EVX2: variants seen among roughly 807,000 people sequenced by gnomAD.
The protein encoded by EVX2 is homeobox even-skipped homolog protein 2.
A neutral mutation model predicts 19.2 loss-of-function variants in EVX2; 10 were observed. The observed-to-expected ratio is 0.52, with a 90% CI of 0.32 to 0.89. EVX2 has a LOEUF of 0.89. EVX2 is among the 40% of genes least tolerant of loss of function. EVX2 has a pLI of 0.03. For missense variants in EVX2, 710 were observed against 694.9 expected (o/e 1.02, Z -0.24); for synonymous variants, 354 against 328.4 (o/e 1.08, Z -0.84).
chr2:176,082,302 C>T lies in EVX2; in HGVS notation c.575G>A (p.Arg192His). 12 of 1,599,380 alleles carry T rather than the reference C, an allele frequency of 7.5e-6. No homozygotes were observed. The highest frequency in any genetic ancestry group is 1.0e-5 in the Non-Finnish European group (12 of 1,177,828). Residue 192 changes from arginine to histidine, a missense_variant, in exon 2 of 3, where the codon CGT (arginine) becomes CAT (histidine). Physicochemically the swap from Arg to His is conservative, Grantham distance 29. Coordinates refer to ENST00000308618, the MANE Select transcript of EVX2 (RefSeq NM_001080458.2). The surrounding 1 kb of genome is among the most constrained non-coding windows in gnomAD (Gnocchi z 5.2). ...GSGADQVRRY[R>H]TAFTREQIAR... ...GATCTGCTCGCGGGTGAACGCCGTA[C>T]GGTAGCGCCGCACTTGATCCGCGCC...
At position 176,082,344 on chromosome 2, in the gene EVX2, A is replaced by G. The variant is rs999032267; in HGVS notation, c.533T>C (p.Leu178Pro). The G allele has an allele frequency of 6.9e-6, 11 of 1,597,224 alleles. No homozygotes were observed. Among genetic ancestry groups the G allele is most frequent in the Non-Finnish European group, 7.7e-6 (9 of 1,176,448 alleles). ...GSGGSGGSAA[L>P]GGSGSGADQV... is the part of the protein sequence containing the mutation. Reference sequence around the variant, plus strand: ...ATCCGCGCCAGAGCCGGAGCCACCCAGCGCCGCGCTCCCGCCGCTGCCTCC... The same window carrying G: ...ATCCGCGCCAGAGCCGGAGCCACCCGGCGCCGCGCTCCCGCCGCTGCCTCC... Residue 178 changes from leucine (L) to proline (P), a missense_variant, in exon 2 of 3, where the codon CTG (leucine) becomes CCG (proline). Physicochemically the swap from Leu to Pro is moderately conservative, Grantham distance 98. Coordinates refer to ENST00000308618, the MANE Select transcript of EVX2 (RefSeq NM_001080458.2). The surrounding 1 kb of genome is among the most constrained non-coding windows in gnomAD (Gnocchi z 5.2).
rs1323889894 is a variant in EVX2 at position 176,082,063 on chromosome 2, G to T, written c.699+115C>A. 1.4e-5 allele frequency: 16 copies of T among 1,174,336 alleles called. No homozygotes were observed. The highest frequency in any genetic ancestry group is 1.7e-5 in the Non-Finnish European group (15 of 872,228). 72.7% of individuals were successfully genotyped at this position (1,174,336 alleles called of 1,614,324 possible). The stretch of plus-strand genomic sequence containing the variant: ...AATTCCTTTGGTGACTACCCCCCGC[G>T]GATTTCCAGACCCTTAGCTAAATCT... On this transcript the variant is annotated intron_variant, in intron 2 of 2. Coordinates refer to ENST00000308618, the MANE Select transcript of EVX2 (RefSeq NM_001080458.2). The surrounding 1 kb of genome is among the most constrained non-coding windows in gnomAD (Gnocchi z 5.2).
At position 176,080,428 on chromosome 2, in the gene EVX2, G is replaced by T; in HGVS notation, c.1110C>A (p.Ala370=). 1 of 1,106,476 alleles carries T rather than the reference G, an allele frequency of 9.0e-7. No homozygotes were observed. The highest frequency in any genetic ancestry group is 1.1e-6 in the Non-Finnish European group (1 of 909,434). The allele number at this position is 1,106,476 out of a possible 1,614,324, so 68.5% of individuals were successfully genotyped here. The change falls in exon 3 of 3, where the codon GCC becomes GCA. Residue 370 remains alanine (A), a synonymous_variant. Coordinates refer to ENST00000308618, the MANE Select transcript of EVX2 (RefSeq NM_001080458.2). The surrounding 1 kb of genome is among the most constrained non-coding windows in gnomAD (Gnocchi z 7.0). ...GCGCGCCGGCCGCCGCCGCCGAGGA[G>T]GCCGCAGCCGCTGCGGCTGCCGCGG... is the stretch of plus-strand genomic sequence containing the variant. ...AAAAAAAAAA[A]SSAAAAGAPP... is the part of the protein sequence containing the mutation.
In EVX2 at chr2:176,080,082, C is replaced by A. The variant is rs763176510; in HGVS notation, c.*25G>T. 1 of 1,484,970 alleles carries A rather than the reference C, an allele frequency of 6.7e-7. No individual in the cohort carries two copies. Among genetic ancestry groups the A allele is most frequent in the African/African-American group, 1.4e-5 (1 of 69,680 alleles). The allele number at this position is 1,484,970 out of a possible 1,614,324, so 92.0% of individuals were successfully genotyped here. A position where few individuals can be genotyped will look rare whatever the true frequency, so the allele number is the denominator to read the frequency against. Reference sequence around the variant, plus strand: ...CCGGGCACACTCAGAGAGGCGGGCGCGGCCCCCTGGCGGTGGCGACGTAGT... The same window carrying A: ...CCGGGCACACTCAGAGAGGCGGGCGAGGCCCCCTGGCGGTGGCGACGTAGT... On this transcript the variant is annotated 3_prime_UTR_variant, in exon 3 of 3. Transcript: ENST00000308618. This position sits in a 1 kb window ranked among gnomAD's most constrained non-coding sequence, Gnocchi z 7.0.
In EVX2 at chr2:176,083,962, T is replaced by C. The variant is rs1227193724; in HGVS notation, c.-186A>G. The C allele has an allele frequency of 1.7e-6, 1 of 592,838 alleles. No individual in the cohort carries two copies. Among genetic ancestry groups the C allele is most frequent in the Admixed American group, 3.0e-5 (1 of 33,102 alleles). The allele number at this position is 592,838 out of a possible 1,614,324, so 36.7% of individuals were successfully genotyped here. A position where few individuals can be genotyped will look rare whatever the true frequency, so the allele number is the denominator to read the frequency against. On this transcript the variant is annotated 5_prime_UTR_variant, in exon 1 of 3. Transcript: ENST00000308618. The surrounding 1 kb of genome is among the most constrained non-coding windows in gnomAD (Gnocchi z 4.4). ...ACTGGTCAAAATGACCCATACATCC[T>C]TCCGATCCCGAGATGTCATTCATCA...
chr2:176,080,725 G>T lies in EVX2; in HGVS notation c.813C>A (p.Thr271=). The T allele has an allele frequency of 1.2e-6, 2 of 1,607,750 alleles. No individual in the cohort carries two copies. The highest frequency in any genetic ancestry group is 1.7e-6 in the Non-Finnish European group (2 of 1,179,608). The part of the protein sequence containing the change: ...YTYMMTHAAA[T]GSLPYPFHSH... ...AGTGGAAGGGGTAGGGCAGGCTTCC[G>T]GTGGCGGCCGCGTGCGTCATCATGT... The change falls in exon 3 of 3, where the codon ACC becomes ACA. Residue 271 remains threonine, a synonymous_variant. Coordinates refer to ENST00000308618, the MANE Select transcript of EVX2 (RefSeq NM_001080458.2). The surrounding 1 kb of genome is among the most constrained non-coding windows in gnomAD (Gnocchi z 7.0).
rs1254055476 is a variant in EVX2 at position 176,078,041 on chromosome 2, ACT to A, written c.*2064_*2065del. ...TAATAGACCCCAGGAATTTCGAAATACTGTTTCCCCTTTATGTATTTTCCATT... is the reference window on the plus strand; with the variant it reads ...TAATAGACCCCAGGAATTTCGAAATAGTTTCCCCTTTATGTATTTTCCATT... On this transcript the variant is annotated 3_prime_UTR_variant, in exon 3 of 3. Coordinates refer to ENST00000308618, the MANE Select transcript of EVX2 (RefSeq NM_001080458.2). 1 of 152,190 alleles carries A rather than the reference ACT, an allele frequency of 6.6e-6. No homozygotes were observed. The highest frequency in any genetic ancestry group is 1.5e-5 in the Non-Finnish European group (1 of 68,006). 9.4% of individuals were successfully genotyped at this position (152,190 alleles called of 1,614,324 possible). A position where few individuals can be genotyped will look rare whatever the true frequency, so the allele number is the denominator to read the frequency against.
At position 176,083,669 on chromosome 2, in the gene EVX2, C is replaced by T. The variant is rs756017605; in HGVS notation, c.108G>A (p.Val36=). 6.2e-7 allele frequency: 1 copy of T among 1,614,166 alleles called. No homozygotes were observed. Among genetic ancestry groups the T allele is most frequent in the Non-Finnish European group, 8.5e-7 (1 of 1,180,044 alleles). ...GCTGCGAATTTTCCAGGGCCTCGAG[C>T]ACAGCATTGCCAGCCGAGTTGGACA... ...SNLSNSAGNA[V]LEALENSQHP... The change falls in exon 1 of 3, where the codon GTG becomes GTA. Residue 36 remains valine, a synonymous_variant. Coordinates refer to ENST00000308618, the MANE Select transcript of EVX2 (RefSeq NM_001080458.2). This position sits in a 1 kb window ranked among gnomAD's most constrained non-coding sequence, Gnocchi z 4.4.
chr2:176,083,248 T>C lies in EVX2; in HGVS notation c.427+102A>G. On this transcript the variant is annotated intron_variant, in intron 1 of 2. Transcript: ENST00000308618. The surrounding 1 kb of genome is among the most constrained non-coding windows in gnomAD (Gnocchi z 4.4). The stretch of plus-strand genomic sequence containing the variant: ...GTGCTAGCTCGGTGTAGCTTGCCTG[T>C]GGAGGGTCTGAGAGGGGAAAAGGCA... 1.6e-6 allele frequency: 2 copies of C among 1,232,988 alleles called. No homozygotes were observed. Among genetic ancestry groups the C allele is most frequent in the South Asian group, 1.5e-5 (1 of 66,488 alleles). 76.4% of individuals were successfully genotyped at this position (1,232,988 alleles called of 1,614,324 possible).
In EVX2 at chr2:176,080,259, C is replaced by G. The variant is rs1232222618; in HGVS notation, c.1279G>C (p.Gly427Arg). 1.5e-6 allele frequency: 2 copies of G among 1,292,446 alleles called. No homozygotes were observed. Among genetic ancestry groups the G allele is most frequent in the Non-Finnish European group, 2.0e-6 (2 of 1,020,172 alleles). 80.1% of individuals were successfully genotyped at this position (1,292,446 alleles called of 1,614,324 possible). Residue 427 changes from glycine to arginine, a missense_variant, in exon 3 of 3, where the codon GGG becomes CGG. By Grantham distance (125) the Gly-to-Arg change is moderately radical. Transcript: ENST00000308618. This position sits in a 1 kb window ranked among gnomAD's most constrained non-coding sequence, Gnocchi z 7.0. The part of the protein sequence containing the change: ...GGGGGGGGGG[G>R]GAGAGGGSDF... Reference sequence around the variant, plus strand: ...GAGCCTCCCCCGGCCCCGGCGCCCCCGCCGCCGCCGCCACCACCACCACCG... The same window carrying G: ...GAGCCTCCCCCGGCCCCGGCGCCCCGGCCGCCGCCGCCACCACCACCACCG...
rs1689145199 is a variant in EVX2 at position 176,081,380 on chromosome 2, G to C, written c.700-542C>G. 6.6e-6 allele frequency among the ~76,000 whole-genome samples: 1 copy of C among 152,134 alleles called. No individual in the cohort carries two copies. Among genetic ancestry groups the C allele is most frequent in the Non-Finnish European group, 1.5e-5 (1 of 68,022 alleles). On this transcript the variant is annotated intron_variant, in intron 2 of 2. Coordinates refer to ENST00000308618, the MANE Select transcript of EVX2 (RefSeq NM_001080458.2). This position sits in a 1 kb window ranked among gnomAD's most constrained non-coding sequence, Gnocchi z 5.9. ...CGTTTGCCTTAAATGAGTGGGTAGAGCAATGTCTCCATAAACGGGGAAGGG... is the reference window on the plus strand; with the variant it reads ...CGTTTGCCTTAAATGAGTGGGTAGACCAATGTCTCCATAAACGGGGAAGGG...
rs886375484 is a variant in EVX2, at chr2:176,082,064, G to A, written c.699+114C>T. ...ATTCCTTTGGTGACTACCCCCCGCG[G>A]ATTTCCAGACCCTTAGCTAAATCTA... On this transcript the variant is annotated intron_variant, in intron 2 of 2. Coordinates refer to ENST00000308618, the MANE Select transcript of EVX2 (RefSeq NM_001080458.2). This position sits in a 1 kb window ranked among gnomAD's most constrained non-coding sequence, Gnocchi z 5.2. The A allele has an allele frequency of 2.5e-6, 3 of 1,212,182 alleles. No individual in the cohort carries two copies. In the Admixed American group the frequency reaches 9.3e-5, roughly 37 times the overall value. The allele number at this position is 1,212,182 out of a possible 1,614,324, so 75.1% of individuals were successfully genotyped here. A position where few individuals can be genotyped will look rare whatever the true frequency, so the allele number is the denominator to read the frequency against.
In EVX2 at chr2:176,083,312, G is replaced by C; in HGVS notation, c.427+38C>G. The C allele has an allele frequency of 6.5e-7, 1 of 1,538,940 alleles. No individual in the cohort carries two copies. The highest frequency in any genetic ancestry group is 1.2e-5 in the South Asian group (1 of 83,294). ...GCGGGGGCCGCGGAGGAGCAAAGAG[G>C]ATGGGACTGGAGAGCGCGGTGCGGC... On this transcript the variant is annotated intron_variant, in intron 1 of 2. Transcript: ENST00000308618. This position sits in a 1 kb window ranked among gnomAD's most constrained non-coding sequence, Gnocchi z 4.4.
Position 176,083,860 on chromosome 2 carries a change from C to A in EVX2, c.-84G>T. ...GCCTAGGGCTAATTCTCATTCAGCC[C>A]CAGCGAACGCCTCTAAATATTATTA... On this transcript the variant is annotated 5_prime_UTR_variant, in exon 1 of 3. Transcript: ENST00000308618. The surrounding 1 kb of genome is among the most constrained non-coding windows in gnomAD (Gnocchi z 4.4). 8.5e-7 allele frequency: 1 copy of A among 1,182,016 alleles called. No homozygotes were observed. Among genetic ancestry groups the A allele is most frequent in the Non-Finnish European group, 1.2e-6 (1 of 835,852 alleles). 73.2% of individuals were successfully genotyped at this position (1,182,016 alleles called of 1,614,324 possible). A position where few individuals can be genotyped will look rare whatever the true frequency, so the allele number is the denominator to read the frequency against.
At position 176,080,194 on chromosome 2, in the gene EVX2, G is replaced by A. The variant is rs1269465640; in HGVS notation, c.1344C>T (p.Ser448=). The change falls in exon 3 of 3, where the codon AGC becomes AGT. Residue 448 remains serine, a synonymous_variant. Coordinates refer to ENST00000308618, the MANE Select transcript of EVX2 (RefSeq NM_001080458.2). This position sits in a 1 kb window ranked among gnomAD's most constrained non-coding sequence, Gnocchi z 7.0. ...CCGCGGCCGAGTAGGGCAGGAAGCC[G>A]CTCTCGGAACGCGGCGCCGCCGCGC... ...GCSAAAPRSE[S]GFLPYSAAVL... 3.4e-6 allele frequency: 5 copies of A among 1,482,900 alleles called. No individual in the cohort carries two copies. The highest frequency in any genetic ancestry group is 2.7e-6 in the Non-Finnish European group (3 of 1,117,192). The allele number at this position is 1,482,900 out of a possible 1,614,324, so 91.9% of individuals were successfully genotyped here. A position where few individuals can be genotyped will look rare whatever the true frequency, so the allele number is the denominator to read the frequency against.
Position 176,082,577 on chromosome 2 carries a change from T to G in EVX2, c.428-128A>C. ...CTGCCGGAATTGATGGGGTCTGTCA[T>G]GCTTACAAATTGCTGCCGTTAATGG... On this transcript the variant is annotated intron_variant, in intron 1 of 2. Coordinates refer to ENST00000308618, the MANE Select transcript of EVX2 (RefSeq NM_001080458.2). The surrounding 1 kb of genome is among the most constrained non-coding windows in gnomAD (Gnocchi z 5.2). 1 of 1,052,118 alleles carries G rather than the reference T, an allele frequency of 9.5e-7. No homozygotes were observed. Among genetic ancestry groups the G allele is most frequent in the Non-Finnish European group, 1.3e-6 (1 of 772,798 alleles). 65.2% of individuals were successfully genotyped at this position (1,052,118 alleles called of 1,614,324 possible).
Position 176,082,124 on chromosome 2 carries a change from A to G in EVX2, c.699+54T>C. 2.7e-6 allele frequency: 4 copies of G among 1,474,386 alleles called. No individual in the cohort carries two copies. The highest frequency in any genetic ancestry group is 3.6e-6 in the Non-Finnish European group (4 of 1,116,978). 91.3% of individuals were successfully genotyped at this position (1,474,386 alleles called of 1,614,324 possible). A position where few individuals can be genotyped will look rare whatever the true frequency, so the allele number is the denominator to read the frequency against. ...AAAGGGGAAAGGGGAAAAAGAAACA[A>G]TCAACCCAGATGCCCCCGGGGAGGC... On this transcript the variant is annotated intron_variant, in intron 2 of 2. Transcript: ENST00000308618. The surrounding 1 kb of genome is among the most constrained non-coding windows in gnomAD (Gnocchi z 5.2).
Position 176,082,415 on chromosome 2 carries a change from C to A in EVX2, c.462G>T (p.Thr154=), listed in dbSNP as rs773344823. The change falls in exon 2 of 3, where the codon ACG becomes ACT. Residue 154 remains threonine, a synonymous_variant. Coordinates refer to ENST00000308618, the MANE Select transcript of EVX2 (RefSeq NM_001080458.2). The surrounding 1 kb of genome is among the most constrained non-coding windows in gnomAD (Gnocchi z 5.2). ...CGAGGCCTGAGCCCGACGCCGACGT[C>A]GTGGTGCCGGCAGCCGAGCCGCTCT... ...YAESGSAAGT[T]TSASGSGLGS... 3.2e-6 allele frequency: 5 copies of A among 1,571,722 alleles called. No individual in the cohort carries two copies. The East Asian group carries it at 1.1e-4, about 36-fold the overall frequency.
In EVX2 at chr2:176,079,989, G is replaced by T; in HGVS notation, c.*118C>A. 1 of 1,184,770 alleles carries T rather than the reference G, an allele frequency of 8.4e-7. No homozygotes were observed. The highest frequency in any genetic ancestry group is 2.8e-5 in the South Asian group (1 of 35,814). 73.4% of individuals were successfully genotyped at this position (1,184,770 alleles called of 1,614,324 possible). On this transcript the variant is annotated 3_prime_UTR_variant, in exon 3 of 3. Transcript: ENST00000308618. This position sits in a 1 kb window ranked among gnomAD's most constrained non-coding sequence, Gnocchi z 4.4. ...TTCCCTTCGGCCTCCCGCGCCCCGG[G>T]GCGCCCCCTGGCGGCAGCGGCAGCA... is the stretch of plus-strand genomic sequence containing the variant.
Sources: allele counts gnomAD v4.1 joint callset (sites outside exome capture counted in the v4.1 genomes callset), GRCh38; gene constraint gnomAD v4.1.1; non-coding constraint Gnocchi (gnomAD v3.1); transcripts MANE v1.5; gene names NCBI Gene and HGNC (gene_info 2026-07-23, HGNC 2026-07-21).